Variants in SGK3 observed in about 807,000 individuals in gnomAD.
SGK3 encodes serum/glucocorticoid regulated kinase family member 3, also known as serine/threonine-protein kinase Sgk3.
Under a neutral mutation model 68.5 loss-of-function variants are expected in SGK3, and 47 were observed. The ratio of observed to expected loss-of-function variants is 0.69; its 90% CI spans 0.54 to 0.87. The LOEUF is 0.87. Ranked by LOEUF, SGK3 falls within the 40% of genes least tolerant of loss-of-function variation. The probability of loss-of-function intolerance (pLI) is 0.00; values close to 1 mark genes in which losing one functional copy is unlikely to be tolerated. For missense variants in SGK3, 479 were observed against 575.5 expected, an observed-to-expected ratio of 0.83 and a Z score of 1.72; for synonymous variants, 181 against 189.1, an observed-to-expected ratio of 0.96 and a Z score of 0.35.
chr8:66,730,363 G>A (rs1805114188), intron 1 of SGK3, among the ~76,000 whole-genome samples: 1 of 152,016 alleles, frequency 6.6e-6, no homozygotes, highest in African/African-American at 2.4e-5. Context: ...TCCCTTATGA[G>A]AGATATAATT....
intron 14 of SGK3, among the ~76,000 whole-genome samples, chr8:66,843,790 T>C (rs1295671155): frequency 1.3e-5 from 2 of 152,234 alleles, no homozygotes; most frequent in East Asian, 3.9e-4. Context: ...GGCCAGGAGT[T>C]CGAGACCAGC....
intron 5 of SGK3, among the ~76,000 whole-genome samples, chr8:66,821,449 A>G (rs1808813995): frequency 6.6e-6 from 1 of 151,996 alleles, no homozygotes; most frequent in Admixed American, 6.6e-5. Flanking sequence ...TTTTGCTTCT[A>G]ACTTACTGTT....
At chr8:66,797,741 GAA>G (rs1412842969) in intron 2 of SGK3, among the ~76,000 whole-genome samples, 2 of 152,144 alleles carry the variant, frequency 1.3e-5, no homozygotes, top group Non-Finnish European at 2.9e-5. Context: ...TATCACTTTT[GAA>G]AATACTTTGT....
Position 66,810,704 on chromosome 8 carries a change from C to T in SGK3, c.254-3149C>T, listed in dbSNP as rs183345629. Among the ~76,000 whole-genome samples, 320 of 152,030 alleles carry T rather than the reference C, an allele frequency of 2.1e-3. 1 individual carries two copies. Among genetic ancestry groups the T allele is most frequent in the African/African-American group, 6.0e-3 (248 of 41,492 alleles). On this transcript the variant is annotated intron_variant, in intron 4 of 16. Coordinates refer to ENST00000521198, the MANE Select transcript of SGK3 (RefSeq NM_001033578.3). The stretch of plus-strand genomic sequence containing the variant: ...CAACAAGAATGAAACTCCGTCTCAA[C>T]GAAAATAAATAAATAAATAAAATCA...
intron 1 of SGK3, among the ~76,000 whole-genome samples, chr8:66,738,632 C>CT (rs113377762): frequency 9.3e-4 from 135 of 145,552 alleles, no homozygotes; most frequent in Middle Eastern, 3.6e-3. Flanking sequence ...GATCCACTTT[C>CT]TTTTTTTTTT....
At chr8:66,736,875 T>C (rs952337970) in intron 1 of SGK3, among the ~76,000 whole-genome samples, 1 of 151,992 alleles carries the variant, frequency 6.6e-6, no homozygotes, top group Admixed American at 6.6e-5. Flanking sequence ...CATCTCAGCC[T>C]CCCAAAGTGC....
chr8:66,725,823 T>C (rs1804970485), intron 1 of SGK3, among the ~76,000 whole-genome samples: 1 of 152,134 alleles, frequency 6.6e-6, no homozygotes, highest in African/African-American at 2.4e-5. Context: ...TGCTGGCTTA[T>C]TGGAAGAACC....
At chr8:66,802,458 G>T (rs560078540) in intron 3 of SGK3, among the ~76,000 whole-genome samples, 1 of 152,082 alleles carries the variant, frequency 6.6e-6, no homozygotes, top group African/African-American at 2.4e-5. Context: ...CAAGACTGAG[G>T]CAGGAGGATT....
chr8:66,813,786 T>C (rs922466378), intron 4 of SGK3, 67 bp from the exon 5 acceptor site: 41 of 1,374,040 alleles, frequency 3.0e-5, no homozygotes, highest in African/African-American at 1.0e-4. Context: ...TTGTCTATTA[T>C]ATAACTGTTG....
intron 1 of SGK3, among the ~76,000 whole-genome samples, chr8:66,747,647 TC>T (rs1805690782): frequency 6.6e-6 from 1 of 152,124 alleles, no homozygotes; most frequent in South Asian, 2.1e-4. Flanking sequence ...AGCCTTGACC[TC>T]CTGGGCTCAA....
intron 1 of SGK3, among the ~76,000 whole-genome samples, chr8:66,720,003 C>T (rs1249669384): frequency 3.3e-5 from 5 of 152,190 alleles, no homozygotes; most frequent in South Asian, 4.1e-4. Context: ...AGCCAGCCAA[C>T]GTCACAGATT....
At position 66,823,446 on chromosome 8, in the gene SGK3, C is replaced by A. The variant is rs542424201; in HGVS notation, c.417+987C>A. 2.0e-5 allele frequency among the ~76,000 whole-genome samples: 3 copies of A among 150,840 alleles called. No individual in the cohort carries two copies. The East Asian group carries it at 5.8e-4, about 29-fold the overall frequency. ...TGGAGTCTCGCACTGTTGCCTAGGC[C>A]AGAGTCAGTGGCGTGATCTTGGCTC... On this transcript the variant is annotated intron_variant, in intron 6 of 16. Coordinates refer to ENST00000521198, the MANE Select transcript of SGK3 (RefSeq NM_001033578.3).
chr8:66,820,214 T>G (rs1808754031), intron 5 of SGK3, among the ~76,000 whole-genome samples: 1 of 152,154 alleles, frequency 6.6e-6, no homozygotes, highest in South Asian at 2.1e-4. Flanking sequence ...AAAAGAAACT[T>G]TACCTCCAAA....
chr8:66,825,880 ATC>A (rs1809033178), intron 6 of SGK3, among the ~76,000 whole-genome samples: 1 of 152,190 alleles, frequency 6.6e-6, no homozygotes, highest in Non-Finnish European at 1.5e-5. Flanking sequence ...CATTAGGGGA[ATC>A]CTTGCCTAAA....
intron 4 of SGK3, among the ~76,000 whole-genome samples, chr8:66,812,471 C>T (rs778098369): frequency 2.0e-5 from 3 of 151,576 alleles, no homozygotes; most frequent in Non-Finnish European, 4.4e-5. Flanking sequence ...GCAGGAGAAT[C>T]GCTTGAAACT....
chr8:66,836,203 C>A, intron 10 of SGK3, 129 bp downstream of exon 10: 1 of 1,204,992 alleles, frequency 8.3e-7, no homozygotes, highest in Non-Finnish European at 1.1e-6. Context: ...ATTCAAGGTA[C>A]TGGCTGAGTA....
At chr8:66,752,258 A>G (rs1358333009) in intron 1 of SGK3, among the ~76,000 whole-genome samples, 1 of 151,922 alleles carries the variant, frequency 6.6e-6, no homozygotes, top group Non-Finnish European at 1.5e-5. Context: ...ATTCAGTAAA[A>G]CTTACTGTAT....
At chr8:66,837,861 C>T (rs371730902) in intron 10 of SGK3, among the ~76,000 whole-genome samples, 51 of 152,286 alleles carry the variant, frequency 3.3e-4, no homozygotes, top group African/African-American at 1.2e-3. Context: ...TTCATTGATG[C>T]AGGTGACCCC....
chr8:66,831,840 A>G (rs1471080581), intron 8 of SGK3, among the ~76,000 whole-genome samples: 1 of 152,110 alleles, frequency 6.6e-6, no homozygotes, highest in Non-Finnish European at 1.5e-5. Context: ...TGTTTGTTGA[A>G]CACCTACTGT....
Sources: gnomAD v4.1 joint callset for allele counts (sites outside exome capture counted in the v4.1 genomes callset) on GRCh38, gnomAD v4.1.1 for gene constraint, MANE v1.5 for transcripts, NCBI Gene and HGNC (gene_info 2026-07-23, HGNC 2026-07-21) for gene names.